KY: variants seen among roughly 807,000 people sequenced by gnomAD.
KY encodes kyphoscoliosis peptidase.
KY carries 43 observed loss-of-function variants against 76.1 expected under a neutral mutation model. The ratio of observed to expected loss-of-function variants is 0.57; its 90% CI spans 0.44 to 0.73. The LOEUF (loss-of-function observed/expected upper bound fraction) is 0.73. KY is among the 30% of genes least tolerant of loss of function. The probability of loss-of-function intolerance (pLI) is 0.00; values close to 1 mark genes in which losing one functional copy is unlikely to be tolerated. For missense variants in KY, 722 were observed against 828.9 expected (o/e 0.87, Z 1.58); for synonymous variants, 277 against 326.2 (o/e 0.85, Z 1.63).
At chr3:134,610,872 A>G (rs1026686855) in intron 8 of KY, among the ~76,000 whole-genome samples, 3 of 152,222 alleles carry the variant, frequency 2.0e-5, no homozygotes, top group Admixed American at 2.0e-4. Flanking sequence ...GGGTCTCGTG[A>G]CATGGGTGAG....
rs61745335 is a variant in KY at position 134,603,672 on chromosome 3, T to C, written c.1893A>G (p.Thr631=). 12,367 of 1,613,802 alleles carry C rather than the reference T, an allele frequency of 7.7e-3. 849 individuals are homozygous for C. The African/African-American group carries it at 0.14, about 18-fold the overall frequency. ...TGACATAGACTTCCTGGCAGCCAGC[T>C]GTGCTGCAGCTTCCCTCCCAGTAGC... ...HEGYWEGSCS[T]AGCQEVYVMV... The change falls in exon 11 of 11, where the codon ACA becomes ACG. Residue 631 remains threonine (T), a synonymous_variant. Transcript: ENST00000423778.
intron 2 of KY, among the ~76,000 whole-genome samples, chr3:134,646,717 C>T (rs903095630): frequency 6.6e-6 from 1 of 152,170 alleles, no homozygotes; most frequent in Non-Finnish European, 1.5e-5. Context: ...AGCCAGTCAT[C>T]TGATCCTAGG....
chr3:134,634,322 G>A (rs1964629221), intron 3 of KY, among the ~76,000 whole-genome samples: 1 of 152,048 alleles, frequency 6.6e-6, no homozygotes, highest in Admixed American at 6.5e-5. Flanking sequence ...AAAGATGGGA[G>A]GACTCCCACT....
At chr3:134,608,465 G>A (rs2107759146) in intron 10 of KY, 184 bp downstream of exon 10, 2 of 1,529,410 alleles carry the variant, frequency 1.3e-6, no homozygotes, top group South Asian at 1.2e-5. Flanking sequence ...TCCCTGCCCT[G>A]ATGGCCTGGG....
intron 3 of KY, 60 bp downstream of exon 3, chr3:134,643,256 G>A: frequency 6.5e-7 from 1 of 1,535,652 alleles, no homozygotes. Context: ...TCGCTGGCCA[G>A]AGCATCAGGT....
intron 8 of KY, among the ~76,000 whole-genome samples, chr3:134,613,921 C>T (rs78727818): frequency 0.018 from 2,796 of 152,240 alleles, 56 homozygotes; most frequent in Middle Eastern, 0.048. Context: ...GATCACTGGC[C>T]GCACACACTG....
At chr3:134,607,358 TGCTCCCC>T (rs1169348937) in intron 10 of KY, 1 of 985,430 alleles carries the variant, frequency 1.0e-6, no homozygotes, top group East Asian at 1.1e-4. Flanking sequence ...GGGACACCTG[TGCTCCCC>T]GCTGCCCCAT....
chr3:134,603,928 C>A lies in KY; in HGVS notation c.1637G>T (p.Gly546Val), dbSNP rs764627951. The change falls in exon 11 of 11, where the codon GGA (glycine) becomes GTA (valine). Residue 546 changes from glycine (G) to valine (V), a missense_variant. Physicochemically the swap from Gly to Val is moderately radical, Grantham distance 109. Around this residue, in one of 2 missense-constraint regions of KY, gnomAD observed 552 missense variants for 680.9 expected, o/e 0.81. Transcript: ENST00000423778. Reference protein sequence around the residue: ...KIFVKKRQEPGNYIFVFNYLV... With the variant: ...KIFVKKRQEPVNYIFVFNYLV... ...GTAATTAAAGACGAAGATGTAGTTT[C>A]CTGGTTCCTGCCTCTTCTTGACAAA... is the stretch of plus-strand genomic sequence containing the variant. 1.9e-6 allele frequency: 3 copies of A among 1,614,012 alleles called. No individual in the cohort carries two copies. Among genetic ancestry groups the A allele is most frequent in the Non-Finnish European group, 2.5e-6 (3 of 1,179,890 alleles).
intron 3 of KY, among the ~76,000 whole-genome samples, chr3:134,634,057 CAT>C (rs1454169617): frequency 2.0e-5 from 3 of 152,250 alleles, no homozygotes; most frequent in East Asian, 1.9e-4. Flanking sequence ...AAATCCCAAA[CAT>C]GTGCAATAAT....
rs1236803717 is a variant in KY, at chr3:134,601,825, G to GA, written c.*1753dup. On this transcript the variant is annotated 3_prime_UTR_variant, in exon 11 of 11. Coordinates refer to ENST00000423778, the MANE Select transcript of KY (RefSeq NM_178554.6). Reference sequence around the variant, plus strand: ...TGGCAGTGGGGACTTTTAGGGGAGGGATCCCGGGGGATAATGAACAGAAGT... The same window carrying GA: ...TGGCAGTGGGGACTTTTAGGGGAGGGAATCCCGGGGGATAATGAACAGAAGT... Among the ~76,000 whole-genome samples the GA allele has an allele frequency of 6.6e-6, 1 of 152,260 alleles. No individual in the cohort carries two copies. Among genetic ancestry groups the GA allele is most frequent in the Admixed American group, 6.5e-5 (1 of 15,292 alleles).
At chr3:134,629,393 G>A (rs948373455) in intron 4 of KY, 8 of 526,726 alleles carry the variant, frequency 1.5e-5, no homozygotes, top group East Asian at 2.9e-5. Context: ...TCAGCTAAAT[G>A]TCTGTGTTAC....
In KY at chr3:134,603,661, T is replaced by C; in HGVS notation, c.1904A>G (p.Gln635Arg). The change falls in exon 11 of 11, where the codon CAG becomes CGG. Residue 635 changes from glutamine to arginine, a missense_variant. Gln to Arg is a conservative substitution (Grantham distance 43). Around this residue, in one of 2 missense-constraint regions of KY, gnomAD observed 552 missense variants for 680.9 expected, o/e 0.81. Coordinates refer to ENST00000423778, the MANE Select transcript of KY (RefSeq NM_178554.6). ...CTCCAGCACCATGACATAGACTTCC[T>C]GGCAGCCAGCTGTGCTGCAGCTTCC... is the stretch of plus-strand genomic sequence containing the variant. ...WEGSCSTAGC[Q>R]EVYVMVLENA... 3.7e-6 allele frequency: 6 copies of C among 1,613,722 alleles called. No homozygotes were observed. The highest frequency in any genetic ancestry group is 5.1e-6 in the Non-Finnish European group (6 of 1,179,744).
intron 3 of KY, among the ~76,000 whole-genome samples, chr3:134,641,815 T>G (rs1437192305): frequency 6.6e-6 from 1 of 152,182 alleles, no homozygotes; most frequent in Non-Finnish European, 1.5e-5. Context: ...CTTGTCAGGA[T>G]TGTCTGTGTC....
intron 8 of KY, 124 bp downstream of exon 8, chr3:134,619,024 G>C: frequency 1.3e-6 from 1 of 742,580 alleles, no homozygotes; most frequent in Non-Finnish European, 2.4e-6. Context: ...GACTCACTTG[G>C]GTTCCAGAGC....
At position 134,644,152 on chromosome 3, in the gene KY, CAG is replaced by C. The variant is rs146574834; in HGVS notation, c.200-776_200-775del. The stretch of plus-strand genomic sequence containing the variant: ...GCCTCCTGCTTCTTAATGAGAAGAA[CAG>C]GGGGCCAGCCTGCCTCCTACCCCAG... On this transcript the variant is annotated intron_variant, in intron 2 of 10. Transcript: ENST00000423778. 5.4e-3 allele frequency among the ~76,000 whole-genome samples: 822 copies of C among 152,316 alleles called. 12 individuals carry two copies. The highest frequency in any genetic ancestry group is 0.018 in the African/African-American group (755 of 41,566).
intron 1 of KY, among the ~76,000 whole-genome samples, chr3:134,649,210 G>A (rs1285862336): frequency 6.6e-6 from 1 of 152,194 alleles, no homozygotes; most frequent in Non-Finnish European, 1.5e-5. Flanking sequence ...AGCAGAAAGG[G>A]CCCAGCCATT....
At chr3:134,609,572 C>G (rs1959955047) in intron 9 of KY, among the ~76,000 whole-genome samples, 1 of 152,130 alleles carries the variant, frequency 6.6e-6, no homozygotes, top group Non-Finnish European at 1.5e-5. Context: ...ACATCATGAT[C>G]CATGAAGAAT....
At chr3:134,617,519 GT>G (rs1480646187) in intron 8 of KY, among the ~76,000 whole-genome samples, 2 of 152,170 alleles carry the variant, frequency 1.3e-5, no homozygotes, top group Non-Finnish European at 2.9e-5. Flanking sequence ...GGTAATTCCT[GT>G]ATGCACAGAA....
rs189690093 is a variant in KY, at chr3:134,619,346, G to A, written c.593-81C>T. The A allele has an allele frequency of 5.0e-4, 524 of 1,047,642 alleles. 1 individual carries two copies. The highest frequency in any genetic ancestry group is 2.4e-3 in the Middle Eastern group (12 of 4,950). The allele number at this position is 1,047,642 out of a possible 1,614,324, so 64.9% of individuals were successfully genotyped here. ...CCACCCCAACCCCCAGCTGTGCTCT[G>A]GCCATCACCAGCCCCAGGAAACTAC... On this transcript the variant is annotated intron_variant, in intron 7 of 10. Transcript: ENST00000423778.
Sources: gnomAD v4.1 joint callset for allele counts (sites outside exome capture counted in the v4.1 genomes callset) on GRCh38, gnomAD v4.1.1 for gene constraint, gnomAD v4.1.1 regional missense constraint, MANE v1.5 for transcripts, NCBI Gene and HGNC (gene_info 2026-07-23, HGNC 2026-07-21) for gene names.